The following RTN4IP1 variants were observed in gnomAD, a reference collection of about 807,000 sequenced individuals.
The protein encoded by RTN4IP1 is NAD(P)H oxidoreductase RTN4IP1, mitochondrial.
RTN4IP1 carries 32 observed loss-of-function variants against 46.6 expected under a neutral mutation model. The observed-to-expected ratio is 0.69, with a 90% CI of 0.52 to 0.92. The LOEUF (loss-of-function observed/expected upper bound fraction) is 0.92, where lower values mean the gene tolerates loss of function less well. RTN4IP1 is among the 40% of genes least tolerant of loss of function. The pLI is 0.00. For synonymous variants in RTN4IP1, 167 were observed against 161.8 expected, an observed-to-expected ratio of 1.03 and a Z score of -0.24; for missense variants, 424 against 485.8, an observed-to-expected ratio of 0.87 and a Z score of 1.20.
chr6:106,579,816 G>C (rs1029974568), intron 8 of RTN4IP1, among the ~76,000 whole-genome samples: 2 of 149,526 alleles, frequency 1.3e-5, no homozygotes, highest in Non-Finnish European at 3.0e-5. Flanking sequence ...ATTGCCCTAT[G>C]TTGCCCAGGC....
intron 4 of RTN4IP1, among the ~76,000 whole-genome samples, chr6:106,608,418 T>C (rs1177244593): frequency 6.6e-6 from 1 of 152,168 alleles, no homozygotes; most frequent in African/African-American, 2.4e-5. Flanking sequence ...TAGTACTCTA[T>C]AGCACTACAA....
chr6:106,575,374 C>T (rs1036644112), intron 8 of RTN4IP1, among the ~76,000 whole-genome samples: 2 of 152,190 alleles, frequency 1.3e-5, no homozygotes, highest in African/African-American at 4.8e-5. Flanking sequence ...AAAGGCTGAA[C>T]CAAGCCAAGC....
In RTN4IP1 at chr6:106,605,671, G is replaced by T. The variant is rs143428564; in HGVS notation, c.621-2749C>A. 4.5e-3 allele frequency among the ~76,000 whole-genome samples: 678 copies of T among 151,530 alleles called. 9 individuals are homozygous for T. Among genetic ancestry groups the T allele is most frequent in the African/African-American group, 0.016 (654 of 41,254 alleles). The stretch of plus-strand genomic sequence containing the variant: ...TACTAAAAAAAATACAAAAAAATTA[G>T]CCAGGCATGGTGGCAGGTGCCTGTA... On this transcript the variant is annotated intron_variant, in intron 4 of 8. Transcript: ENST00000369063.
At chr6:106,609,412 T>C (rs967627325) in intron 4 of RTN4IP1, among the ~76,000 whole-genome samples, 1 of 151,908 alleles carries the variant, frequency 6.6e-6, no homozygotes, top group African/African-American at 2.4e-5. Flanking sequence ...AAATAAATTA[T>C]CTAGGTATGG....
Position 106,619,175 on chromosome 6 carries a change from G to A in RTN4IP1, c.620+27C>T, listed in dbSNP as rs761113326. ...CACAGAAGGAAAGAAAAGAGGTTTA[G>A]ATGCTGCCACTGACTGATACACTTA... On this transcript the variant is annotated intron_variant, in intron 4 of 8. Coordinates refer to ENST00000369063, the MANE Select transcript of RTN4IP1 (RefSeq NM_032730.5). 2.5e-6 allele frequency: 4 copies of A among 1,612,372 alleles called. No individual in the cohort carries two copies. In the African/African-American group the frequency reaches 4.0e-5, roughly 16 times the overall value.
chr6:106,613,893 T>C (rs1395707769), intron 4 of RTN4IP1, among the ~76,000 whole-genome samples: 1 of 152,200 alleles, frequency 6.6e-6, no homozygotes, highest in Non-Finnish European at 1.5e-5. Context: ...ATAATAAATC[T>C]TTCAACCAAC....
Position 106,571,706 on chromosome 6 carries a change from A to T in RTN4IP1, c.*290T>A. The T allele has an allele frequency of 3.0e-6, 1 of 327,982 alleles. No homozygotes were observed. Among genetic ancestry groups the T allele is most frequent in the Non-Finnish European group, 5.7e-6 (1 of 175,032 alleles). The allele number at this position is 327,982 out of a possible 1,614,324, so 20.3% of individuals were successfully genotyped here. A position where few individuals can be genotyped will look rare whatever the true frequency, so the allele number is the denominator to read the frequency against. On this transcript the variant is annotated 3_prime_UTR_variant, in exon 9 of 9. Coordinates refer to ENST00000369063, the MANE Select transcript of RTN4IP1 (RefSeq NM_032730.5). ...ACCCTGTCTCTAAAACAAAAAAGAC[A>T]ATAAAGTAGTTTAAGCTAGTAAAAC...
chr6:106,583,992 G>A (rs1775426392), intron 7 of RTN4IP1, among the ~76,000 whole-genome samples: 2 of 152,080 alleles, frequency 1.3e-5, no homozygotes, highest in African/African-American at 4.8e-5. Context: ...CTATGGTTAT[G>A]GCAAATACAA....
intron 5 of RTN4IP1, among the ~76,000 whole-genome samples, chr6:106,592,967 T>C (rs1247515862): frequency 6.6e-6 from 1 of 150,526 alleles, no homozygotes; most frequent in Non-Finnish European, 1.5e-5. Flanking sequence ...CTTTCAAGGA[T>C]AGCAAAGTTA....
At chr6:106,602,548 C>T (rs887406494) in intron 5 of RTN4IP1, among the ~76,000 whole-genome samples, 1 of 152,022 alleles carries the variant, frequency 6.6e-6, no homozygotes, top group African/African-American at 2.4e-5. Context: ...AGCTTTCCTA[C>T]GTCTGTTATC....
At chr6:106,623,360 GAAC>G (rs1358376768) in intron 1 of RTN4IP1, among the ~76,000 whole-genome samples, 4 of 152,132 alleles carry the variant, frequency 2.6e-5, no homozygotes, top group Non-Finnish European at 4.4e-5. Flanking sequence ...ACATAGAGGG[GAAC>G]AACACACACT....
At chr6:106,586,400 C>T (rs1459284528) in intron 7 of RTN4IP1, among the ~76,000 whole-genome samples, 2 of 151,626 alleles carry the variant, frequency 1.3e-5, no homozygotes, top group Non-Finnish European at 2.9e-5. Flanking sequence ...TTTGAGACAA[C>T]GTCTTCCTCT....
At chr6:106,572,230 A>AC (rs1775085656) in intron 8 of RTN4IP1, 127 bp from the exon 9 acceptor site, 3 of 739,774 alleles carry the variant, frequency 4.1e-6, no homozygotes, top group Admixed American at 4.8e-5. Context: ...TCTCCAGTGG[A>AC]CCCAGGTCAG....
At chr6:106,588,695 T>C (rs762449339) in intron 6 of RTN4IP1, among the ~76,000 whole-genome samples, 1 of 152,352 alleles carries the variant, frequency 6.6e-6, no homozygotes, top group Middle Eastern at 3.4e-3. Flanking sequence ...AGCAAATCAG[T>C]TGATGAATTC....
At position 106,587,795 on chromosome 6, in the gene RTN4IP1, A is replaced by G; in HGVS notation, c.874T>C (p.Trp292Arg). 6.2e-7 allele frequency: 1 copy of G among 1,613,888 alleles called. No homozygotes were observed. The highest frequency in any genetic ancestry group is 8.5e-7 in the Non-Finnish European group (1 of 1,179,910). ...AAAGTCACATAGGTGGCTCCTGACC[A>G]TTTCTTGAGAAAATCTGGAGCCCAT... Reference protein sequence around the residue: ...ETWAPDFLKKWSGATYVTLVT... With the variant: ...ETWAPDFLKKRSGATYVTLVT... Residue 292 changes from tryptophan to arginine, a missense_variant, in exon 7 of 9, where the codon TGG becomes CGG. Trp to Arg is a moderately radical substitution (Grantham distance 101). Coordinates refer to ENST00000369063, the MANE Select transcript of RTN4IP1 (RefSeq NM_032730.5).
chr6:106,607,209 T>C (rs1582376780), intron 4 of RTN4IP1, among the ~76,000 whole-genome samples: 1 of 151,398 alleles, frequency 6.6e-6, no homozygotes, highest in African/African-American at 2.4e-5. Context: ...TGCAGAAAAA[T>C]GGAAACTAGA....
In RTN4IP1 at chr6:106,571,144, A is replaced by T. The variant is rs932894888; in HGVS notation, c.*852T>A. ...AGGCCTAATCCTTATGCAAGATGTA[A>T]GGGTTTTAAAAAGTTAGAAACTCTG... On this transcript the variant is annotated 3_prime_UTR_variant, in exon 9 of 9. Coordinates refer to ENST00000369063, the MANE Select transcript of RTN4IP1 (RefSeq NM_032730.5). 7 of 152,216 alleles carry T rather than the reference A, an allele frequency of 4.6e-5. No individual in the cohort carries two copies. Among genetic ancestry groups the T allele is most frequent in the African/African-American group, 1.7e-4 (7 of 41,452 alleles). 9.4% of individuals were successfully genotyped at this position (152,216 alleles called of 1,614,324 possible).
chr6:106,611,994 G>A (rs1051810593), intron 4 of RTN4IP1, among the ~76,000 whole-genome samples: 2 of 152,164 alleles, frequency 1.3e-5, no homozygotes, highest in African/African-American at 2.4e-5. Flanking sequence ...ATTTCAACCA[G>A]GGGTACTGGG....
chr6:106,596,979 C>T (rs1416296338), intron 5 of RTN4IP1, among the ~76,000 whole-genome samples: 1 of 152,130 alleles, frequency 6.6e-6, no homozygotes. Context: ...TCTTATAAGT[C>T]ACGTCATCTT....
Sources: gnomAD v4.1 joint callset for allele counts (sites outside exome capture counted in the v4.1 genomes callset) on GRCh38, gnomAD v4.1.1 for gene constraint, MANE v1.5 for transcripts, NCBI Gene and HGNC (gene_info 2026-07-23, HGNC 2026-07-21) for gene names.